Variants in SMARCE1 observed in about 807,000 individuals in gnomAD.
The protein encoded by SMARCE1 is SWI/SNF-related matrix-associated actin-dependent regulator of chromatin subfamily E member 1.
In SMARCE1, 13 loss-of-function variants were observed where a neutral mutation model predicts 54.9. The ratio of observed to expected loss-of-function variants is 0.24; its 90% CI spans 0.15 to 0.38. The LOEUF is 0.38. SMARCE1 is among the 10% of genes least tolerant of loss of function. The pLI is 1.00. For missense variants in SMARCE1, 295 were observed against 523.8 expected, an observed-to-expected ratio of 0.56 and a Z score of 4.26; for synonymous variants, 151 against 175.3, an observed-to-expected ratio of 0.86 and a Z score of 1.10.
chr17:40,644,238 T>C (rs141723008), intron 3 of SMARCE1: 3 of 152,190 alleles, frequency 2.0e-5, no homozygotes, highest in East Asian at 1.9e-4. Flanking sequence ...AGATGATGCA[T>C]TGTCAGAGGC....
chr17:40,635,524 A>T (rs533292349), intron 7 of SMARCE1: 1 of 154,254 alleles, frequency 6.5e-6, no homozygotes, highest in South Asian at 2.0e-4. Flanking sequence ...TGGAAAGGAA[A>T]CTTCATGTTT....
intron 5 of SMARCE1, chr17:40,637,034 A>AC (rs1466498799): frequency 6.4e-6 from 1 of 157,070 alleles, no homozygotes; most frequent in Non-Finnish European, 1.4e-5. Flanking sequence ...ATCACCAAAA[A>AC]AAAAAAAAAA....
At chr17:40,633,392 A>G (rs1336596144) in intron 7 of SMARCE1, 1 of 152,006 alleles carries the variant, frequency 6.6e-6, no homozygotes, top group Non-Finnish European at 1.5e-5. Flanking sequence ...TCATATATCT[A>G]CTAACAGCCT....
rs2037039974 is a variant in SMARCE1 at position 40,626,820 on chromosome 17, G to C, written c.*1965C>G. On this transcript the variant is annotated 3_prime_UTR_variant, in exon 11 of 11. Coordinates refer to ENST00000348513, the MANE Select transcript of SMARCE1 (RefSeq NM_003079.5). ...ACCTGGGAGGTGGAGGTTGCAGTGA[G>C]CTGAGATCGCCACCACTGCACTCCA... 1 of 150,786 alleles carries C rather than the reference G, an allele frequency of 6.6e-6. No homozygotes were observed. Among genetic ancestry groups the C allele is most frequent in the South Asian group, 2.1e-4 (1 of 4,778 alleles). The allele number at this position is 150,786 out of a possible 1,614,324, so 9.3% of individuals were successfully genotyped here.
chr17:40,629,544 G>A (rs1340556539), intron 10 of SMARCE1: 79 of 1,223,360 alleles, frequency 6.5e-5, no homozygotes, highest in East Asian at 4.1e-4. Flanking sequence ...TAGACACTTT[G>A]TTTAAAGTCA....
At position 40,642,405 on chromosome 17, in the gene SMARCE1, C is replaced by G. The variant is rs976024521; in HGVS notation, c.156+50G>C. The G allele has an allele frequency of 1.7e-6, 2 of 1,154,322 alleles. No homozygotes were observed. Among genetic ancestry groups the G allele is most frequent in the Non-Finnish European group, 2.6e-6 (2 of 760,280 alleles). 71.5% of individuals were successfully genotyped at this position (1,154,322 alleles called of 1,614,324 possible). On this transcript the variant is annotated intron_variant, in intron 4 of 10. Coordinates refer to ENST00000348513, the MANE Select transcript of SMARCE1 (RefSeq NM_003079.5). The surrounding 1 kb of genome is among the most constrained non-coding windows in gnomAD (Gnocchi z 4.6). ...AAAAGACCTAATTCTGAAGGCATTT[C>G]TGGTCAATTCCAGTTGTTTGCCGGA...
chr17:40,639,191 C>A (rs553793070), intron 4 of SMARCE1, among the ~76,000 whole-genome samples: 1 of 152,138 alleles, frequency 6.6e-6, no homozygotes, highest in Non-Finnish European at 1.5e-5. Flanking sequence ...TACAGGGAAA[C>A]CTGTATCAGG....
rs981673965 is a variant in SMARCE1 at position 40,627,219 on chromosome 17, A to T, written c.*1566T>A. The T allele has an allele frequency of 1.3e-4, 20 of 152,218 alleles. No individual in the cohort carries two copies. Among genetic ancestry groups the T allele is most frequent in the African/African-American group, 4.1e-4 (17 of 41,450 alleles). The allele number at this position is 152,218 out of a possible 1,614,324, so 9.4% of individuals were successfully genotyped here. A position where few individuals can be genotyped will look rare whatever the true frequency, so the allele number is the denominator to read the frequency against. ...GACACACAAGGAAACAGATGTCAAG[A>T]GTTGTTTCCACCCAGTATCAAGCTT... On this transcript the variant is annotated 3_prime_UTR_variant, in exon 11 of 11. Transcript: ENST00000348513.
chr17:40,645,186 G>C (rs1038003779), intron 3 of SMARCE1: 1 of 308,458 alleles, frequency 3.2e-6, no homozygotes. Context: ...GACAAGAAAG[G>C]AGAGAAAAAC....
In SMARCE1 at chr17:40,628,991, C is replaced by G. The variant is rs1413261743; in HGVS notation, c.1030G>C (p.Glu344Gln). ...TCTGTTGTTTCTTCAAGGTGTGTCTCCTCTGTAATCACACATTTGTCACTG... is the reference window on the plus strand; with the variant it reads ...TCTGTTGTTTCTTCAAGGTGTGTCTGCTCTGTAATCACACATTTGTCACTG... ...DDENIPMETE[E>Q]THLEETTESQ... Residue 344 changes from glutamate to glutamine, a missense_variant and splice_region_variant, in exon 11 of 11, where the codon GAG (glutamate) becomes CAG (glutamine). This residue lies in a region of SMARCE1 where 147 missense variants were observed against 161.4 expected (regional missense o/e 0.91). Coordinates refer to ENST00000348513, the MANE Select transcript of SMARCE1 (RefSeq NM_003079.5). 3 of 1,612,356 alleles carry G rather than the reference C, an allele frequency of 1.9e-6. No homozygotes were observed. Among genetic ancestry groups the G allele is most frequent in the Non-Finnish European group, 2.5e-6 (3 of 1,178,612 alleles).
chr17:40,631,504 A>G (rs777555363), intron 9 of SMARCE1, 88 bp downstream of exon 9: 1 of 717,296 alleles, frequency 1.4e-6, no homozygotes, highest in Non-Finnish European at 2.4e-6. Flanking sequence ...ACAACATTCA[A>G]TAAAAACACT....
intron 4 of SMARCE1, among the ~76,000 whole-genome samples, chr17:40,638,839 A>G (rs745498516): frequency 3.3e-5 from 5 of 152,124 alleles, no homozygotes; most frequent in Admixed American, 1.3e-4. Context: ...TGTTGCTATG[A>G]TAAAACCCCA....
At chr17:40,644,733 T>C (rs1412230528) in intron 3 of SMARCE1, 1 of 152,126 alleles carries the variant, frequency 6.6e-6, no homozygotes, top group Non-Finnish European at 1.5e-5. Context: ...AAGGACCTAA[T>C]TAGTAGTGAA....
rs2037063370 is a variant in SMARCE1 at position 40,629,005 on chromosome 17, C to G, written c.1028-12G>C. 1 of 1,608,210 alleles carries G rather than the reference C, an allele frequency of 6.2e-7. No homozygotes were observed. Among genetic ancestry groups the G allele is most frequent in the Non-Finnish European group, 8.5e-7 (1 of 1,174,832 alleles). ...AAGGTGTGTCTCCTCTGTAATCACACATTTGTCACTGTCAGTTCCAAGATG... is the reference window on the plus strand; with the variant it reads ...AAGGTGTGTCTCCTCTGTAATCACAGATTTGTCACTGTCAGTTCCAAGATG... On this transcript the variant is annotated splice_polypyrimidine_tract_variant and intron_variant, in intron 10 of 10. Transcript: ENST00000348513.
intron 10 of SMARCE1, chr17:40,629,940 T>C (rs1234879020): frequency 1.1e-5 from 4 of 355,158 alleles, no homozygotes; most frequent in Non-Finnish European, 2.0e-5. Flanking sequence ...GGTAAAGATA[T>C]CTATATTCCA....
Position 40,642,347 on chromosome 17 carries a change from A to T in SMARCE1, c.156+108T>A. 1 of 782,786 alleles carries T rather than the reference A, an allele frequency of 1.3e-6. No individual in the cohort carries two copies. Among genetic ancestry groups the T allele is most frequent in the Non-Finnish European group, 2.3e-6 (1 of 434,338 alleles). 48.5% of individuals were successfully genotyped at this position (782,786 alleles called of 1,614,324 possible). A position where few individuals can be genotyped will look rare whatever the true frequency, so the allele number is the denominator to read the frequency against. On this transcript the variant is annotated intron_variant, in intron 4 of 10. Coordinates refer to ENST00000348513, the MANE Select transcript of SMARCE1 (RefSeq NM_003079.5). The surrounding 1 kb of genome is among the most constrained non-coding windows in gnomAD (Gnocchi z 4.6). Reference sequence around the variant, plus strand: ...AAAATACTCAAAAAGCTAGGTTAAAAAATTTTTTTTAAATGGCTGTGCTTA... The same window carrying T: ...AAAATACTCAAAAAGCTAGGTTAAATAATTTTTTTTAAATGGCTGTGCTTA...
At chr17:40,641,204 C>T (rs1359638709) in intron 4 of SMARCE1, 1 of 152,096 alleles carries the variant, frequency 6.6e-6, no homozygotes, top group Non-Finnish European at 1.5e-5. Context: ...AAAACCTTGC[C>T]ATCCATTACA....
chr17:40,638,233 G>A (rs573886625), intron 4 of SMARCE1, among the ~76,000 whole-genome samples: 1 of 152,146 alleles, frequency 6.6e-6, no homozygotes, highest in Non-Finnish European at 1.5e-5. Flanking sequence ...CCTAATCACA[G>A]TGTAAAAGCA....
chr17:40,640,741 A>G lies in SMARCE1; in HGVS notation c.156+1714T>C, dbSNP rs565623131. The G allele has an allele frequency of 9.2e-5, 14 of 152,350 alleles. 1 individual carries two copies. The South Asian group carries it at 2.3e-3, about 25-fold the overall frequency. The allele number at this position is 152,350 out of a possible 1,614,324, so 9.4% of individuals were successfully genotyped here. A position where few individuals can be genotyped will look rare whatever the true frequency, so the allele number is the denominator to read the frequency against. ...AATTTGGTGTTAAGAGGACAATAAT[A>G]CAAAGTAAATGTCCACAAAGGACCA... is the stretch of plus-strand genomic sequence containing the variant. On this transcript the variant is annotated intron_variant, in intron 4 of 10. Transcript: ENST00000348513.
Sources: allele counts gnomAD v4.1 joint callset (sites outside exome capture counted in the v4.1 genomes callset), GRCh38; gene constraint gnomAD v4.1.1; regional missense constraint gnomAD v4.1.1; non-coding constraint Gnocchi (gnomAD v3.1); transcripts MANE v1.5; gene names NCBI Gene and HGNC (gene_info 2026-07-23, HGNC 2026-07-21).